The following UBE4A variants were observed in gnomAD, a reference collection of about 807,000 sequenced individuals.
The protein encoded by UBE4A is ubiquitination factor E4A, also known as ubiquitin conjugation factor E4 A.
Under a neutral mutation model 117.9 loss-of-function variants are expected in UBE4A, and 48 were observed. The ratio of observed to expected loss-of-function variants is 0.41; its 90% CI spans 0.32 to 0.52. UBE4A has a LOEUF of 0.52. Among genes scored for constraint, UBE4A ranks in the 20% least tolerant of loss-of-function variants. UBE4A has a pLI of 0.33. For missense variants in UBE4A, 1,067 were observed against 1,296.3 expected, an observed-to-expected ratio of 0.82 and a Z score of 2.72; for synonymous variants, 407 against 450.0, an observed-to-expected ratio of 0.90 and a Z score of 1.21.
rs1270627522 is a variant in UBE4A at position 118,398,078 on chromosome 11, C to T, written c.*1638C>T. 2 of 152,452 alleles carry T rather than the reference C, an allele frequency of 1.3e-5. No individual in the cohort carries two copies. Among genetic ancestry groups the T allele is most frequent in the Non-Finnish European group, 2.9e-5 (2 of 68,022 alleles). 9.4% of individuals were successfully genotyped at this position (152,452 alleles called of 1,614,324 possible). A position where few individuals can be genotyped will look rare whatever the true frequency, so the allele number is the denominator to read the frequency against. ...TTCAATATTTATCATCCTCCTTTCC[C>T]TCTCTGAGAATGAACTATGTATAAA... On this transcript the variant is annotated 3_prime_UTR_variant, in exon 20 of 20. Coordinates refer to ENST00000252108, the MANE Select transcript of UBE4A (RefSeq NM_001204077.2).
At chr11:118,361,311 C>T (rs77806521) in intron 1 of UBE4A, among the ~76,000 whole-genome samples, 2,441 of 152,212 alleles carry the variant, frequency 0.016, 36 homozygotes, top group Middle Eastern at 0.037. Flanking sequence ...TGACCTACTG[C>T]GCCCGGCGCT....
In UBE4A at chr11:118,384,648, A is replaced by G. The variant is rs1948738224; in HGVS notation, c.2211A>G (p.Gln737=). ...VDIEFTGDPH[Q]FEQKFNYRRP... ...GCCTTACTCCAGGAGACCCCCATCAATTTGAACAGAAGTTTAATTACCGCC... is the reference window on the plus strand; with the variant it reads ...GCCTTACTCCAGGAGACCCCCATCAGTTTGAACAGAAGTTTAATTACCGCC... The change falls in exon 14 of 20, where the codon CAA becomes CAG. Residue 737 remains glutamine, a synonymous_variant. Transcript: ENST00000252108. The G allele has an allele frequency of 6.2e-7, 1 of 1,614,056 alleles. No individual in the cohort carries two copies. The highest frequency in any genetic ancestry group is 2.2e-5 in the East Asian group (1 of 44,880).
intron 6 of UBE4A, 59 bp from the exon 7 acceptor site, chr11:118,373,027 G>T: frequency 7.0e-7 from 1 of 1,423,554 alleles, no homozygotes. Flanking sequence ...AAGAGCTAGT[G>T]TGTAAAGGCA....
At chr11:118,380,587 AAATT>A (rs1204085664) in intron 11 of UBE4A, among the ~76,000 whole-genome samples, 1 of 152,098 alleles carries the variant, frequency 6.6e-6, no homozygotes, top group Non-Finnish European at 1.5e-5. Context: ...CTCAGAAAAT[AAATT>A]AATTAATTAA....
Position 118,389,763 on chromosome 11 carries a change from C to T in UBE4A, c.2626C>T (p.Arg876Cys), listed in dbSNP as rs782694119. 2 of 1,613,108 alleles carry T rather than the reference C, an allele frequency of 1.2e-6. No homozygotes were observed. The highest frequency in any genetic ancestry group is 3.3e-5 in the Admixed American group (2 of 60,002). ...CTTTGTGCATCCCTTCCTGGCTGAG[C>T]GCATCATCTCCATGTTGAACTACTT... ...SLFVHPFLAE[R>C]IISMLNYFLQ... Residue 876 changes from arginine (R) to cysteine (C), a missense_variant, in exon 17 of 20, where the codon CGC (arginine) becomes TGC (cysteine). Physicochemically the swap from Arg to Cys is radical, Grantham distance 180. This residue lies in a region of UBE4A where 1,001 missense variants were observed against 1,184.0 expected (regional missense o/e 0.85). Coordinates refer to ENST00000252108, the MANE Select transcript of UBE4A (RefSeq NM_001204077.2).
Position 118,368,786 on chromosome 11 carries a change from C to A in UBE4A, c.277C>A (p.Leu93Ile). ...CAATCACATGATCCAAAGGATCTTC[C>A]TTATTACTCTGGACAACAGTGAGTT... The part of the protein sequence containing the change: ...NINHMIQRIF[L>I]ITLDNSDPSL... Residue 93 changes from leucine to isoleucine, a missense_variant, in exon 3 of 20, where the codon CTT becomes ATT. Coordinates refer to ENST00000252108, the MANE Select transcript of UBE4A (RefSeq NM_001204077.2). 1 of 1,614,160 alleles carries A rather than the reference C, an allele frequency of 6.2e-7. No homozygotes were observed. Among genetic ancestry groups the A allele is most frequent in the East Asian group, 2.2e-5 (1 of 44,882 alleles).
rs191790848 is a variant in UBE4A at position 118,394,487 on chromosome 11, C to T, written c.3074+1592C>T. Among the ~76,000 whole-genome samples, 728 of 152,214 alleles carry T rather than the reference C, an allele frequency of 4.8e-3. 2 individuals are homozygous for T. Among genetic ancestry groups the T allele is most frequent in the African/African-American group, 0.017 (691 of 41,546 alleles). ...CTCCATATTTAAAATTAAGTTATAT[C>T]GAGCCAGGCACAGTGGCTCACGTCT... is the stretch of plus-strand genomic sequence containing the variant. On this transcript the variant is annotated intron_variant, in intron 19 of 19. Transcript: ENST00000252108.
intron 13 of UBE4A, 41 bp downstream of exon 13, chr11:118,382,817 A>C: frequency 6.8e-7 from 1 of 1,470,860 alleles, no homozygotes; most frequent in Admixed American, 2.0e-5. Flanking sequence ...TGGGAAGCTG[A>C]TACCAGTGGA....
intron 1 of UBE4A, among the ~76,000 whole-genome samples, chr11:118,360,020 T>C (rs955709035): frequency 1.4e-4 from 22 of 152,102 alleles, no homozygotes; most frequent in Non-Finnish European, 4.4e-5. Flanking sequence ...GAATCCCTTA[T>C]GGAGCATGGA....
chr11:118,392,256 A>G (rs1459833997), intron 18 of UBE4A, among the ~76,000 whole-genome samples: 7 of 152,198 alleles, frequency 4.6e-5, no homozygotes, highest in African/African-American at 1.7e-4. Flanking sequence ...TGAGGAACTC[A>G]AGTTGTGAAG....
At chr11:118,375,439 A>C (rs1948644192) in intron 9 of UBE4A, among the ~76,000 whole-genome samples, 1 of 152,008 alleles carries the variant, frequency 6.6e-6, no homozygotes, top group Admixed American at 6.6e-5. Flanking sequence ...GGCTCACCGC[A>C]ATCTCTGCCT....
rs782568448 is a variant in UBE4A at position 118,389,762 on chromosome 11, G to A, written c.2625G>A (p.Glu875=). The change falls in exon 17 of 20, where the codon GAG becomes GAA. Residue 875 remains glutamate, a synonymous_variant. Transcript: ENST00000252108. ...KSLFVHPFLA[E]RIISMLNYFL... ...TCTTTGTGCATCCCTTCCTGGCTGA[G>A]CGCATCATCTCCATGTTGAACTACT... The A allele has an allele frequency of 6.2e-7, 1 of 1,613,280 alleles. No homozygotes were observed. The highest frequency in any genetic ancestry group is 1.1e-5 in the South Asian group (1 of 91,040).
chr11:118,390,663 G>A lies in UBE4A; in HGVS notation c.2775G>A (p.Glu925=). The change falls in exon 18 of 20, where the codon GAG becomes GAA. Residue 925 remains glutamate (E), a synonymous_variant. Transcript: ENST00000252108. ...TCTGATGCTAATGTTCCAGGGATGA[G>A]GAGAATTTCTGTGCCACTGTGCCCA... ...ICTIYLNLGD[E]ENFCATVPKD... is the part of the protein sequence containing the mutation. 6.6e-7 allele frequency: 1 copy of A among 1,516,564 alleles called. No individual in the cohort carries two copies. The highest frequency in any genetic ancestry group is 1.4e-5 in the African/African-American group (1 of 69,592). 93.9% of individuals were successfully genotyped at this position (1,516,564 alleles called of 1,614,324 possible).
chr11:118,392,163 T>C (rs1484522296), intron 18 of UBE4A, among the ~76,000 whole-genome samples: 2 of 152,222 alleles, frequency 1.3e-5, no homozygotes, highest in African/African-American at 4.8e-5. Flanking sequence ...ACCTTCCTTA[T>C]TGCTGTCAGT....
intron 16 of UBE4A, 51 bp downstream of exon 16, chr11:118,386,663 G>A: frequency 2.0e-6 from 3 of 1,471,680 alleles, no homozygotes; most frequent in Non-Finnish European, 2.7e-6. Context: ...GCCAAGATCA[G>A]CTTCACTTGG....
chr11:118,380,138 T>C (rs879977190), intron 11 of UBE4A, among the ~76,000 whole-genome samples: 35 of 56,396 alleles, frequency 6.2e-4, no homozygotes, highest in East Asian at 2.0e-3. Context: ...TGTGTGCGTG[T>C]GTGTGTGTGT....
At position 118,373,219 on chromosome 11, in the gene UBE4A, C is replaced by T; in HGVS notation, c.855C>T (p.Leu285=). ...ILLGRIKDLE[L]CQILLYAYLD... ...TGGGCCGAATAAAAGATCTAGAGCT[C>T]TGTCAGATCCTTTTGTATGCATATC... The change falls in exon 7 of 20, where the codon CTC becomes CTT. Residue 285 remains leucine, a synonymous_variant. Transcript: ENST00000252108. The T allele has an allele frequency of 1.2e-6, 2 of 1,613,800 alleles. No individual in the cohort carries two copies. The highest frequency in any genetic ancestry group is 1.7e-6 in the Non-Finnish European group (2 of 1,180,000).
chr11:118,384,618 C>T lies in UBE4A; in HGVS notation c.2198-17C>T, dbSNP rs782774171. 6.2e-7 allele frequency: 1 copy of T among 1,610,188 alleles called. No individual in the cohort carries two copies. Among genetic ancestry groups the T allele is most frequent in the Non-Finnish European group, 8.5e-7 (1 of 1,176,624 alleles). On this transcript the variant is annotated splice_polypyrimidine_tract_variant and intron_variant, in intron 13 of 19. Transcript: ENST00000252108. ...TGGCACCGCCTTTGCTGATATTTCG[C>T]TCTTGCCTTACTCCAGGAGACCCCC... is the stretch of plus-strand genomic sequence containing the variant.
rs1555125411 is a variant in UBE4A, at chr11:118,376,592, G to A, written c.1469G>A (p.Cys490Tyr). ...VHMRGLDKETCLIPAVQEPKF... is the reference protein window; with the variant it reads ...VHMRGLDKETYLIPAVQEPKF... The stretch of plus-strand genomic sequence containing the variant: ...CTTTGAGGTTTGGACAAAGAAACCT[G>A]TTTGATCCCAGCTGTGCAGGAGCCG... Residue 490 changes from cysteine (C) to tyrosine (Y), a missense_variant, in exon 10 of 20, where the codon TGT (cysteine) becomes TAT (tyrosine). Cys to Tyr is a radical substitution (Grantham distance 194). This residue lies in a region of UBE4A where 1,001 missense variants were observed against 1,184.0 expected (regional missense o/e 0.85). Transcript: ENST00000252108. 1.2e-6 allele frequency: 2 copies of A among 1,612,782 alleles called. No individual in the cohort carries two copies.
Sources: gnomAD v4.1 joint callset for allele counts (sites outside exome capture counted in the v4.1 genomes callset) on GRCh38, gnomAD v4.1.1 for gene constraint, gnomAD v4.1.1 regional missense constraint, MANE v1.5 for transcripts, NCBI Gene and HGNC (gene_info 2026-07-23, HGNC 2026-07-21) for gene names.